The following ABTB3 variants were observed in gnomAD, a reference collection of about 807,000 sequenced individuals.
ABTB3 encodes ankyrin repeat and BTB domain containing 3, also known as ankyrin repeat- and BTB/POZ domain-containing protein 3.
chr12:107,618,049 C>T, the ABTB3 span: 1 of 1,001,792 alleles, frequency 1.0e-6, no homozygotes, highest in Non-Finnish European at 1.5e-6. Flanking sequence ...ATCTTGTCAT[C>T]ACCCCTCCCA....
chr12:107,586,099 G>T, the ABTB3 span, among the ~76,000 whole-genome samples: 6 of 152,106 alleles, frequency 3.9e-5, no homozygotes, highest in African/African-American at 1.4e-4. Context: ...GAAGTGAGGA[G>T]GGAGGGACAA....
chr12:107,608,268 T>C, the ABTB3 span, among the ~76,000 whole-genome samples: 2 of 152,184 alleles, frequency 1.3e-5, no homozygotes, highest in Non-Finnish European at 2.9e-5. Context: ...ACTCAGCTGG[T>C]TCAGTTGGCT....
the ABTB3 span, among the ~76,000 whole-genome samples, chr12:107,404,359 T>G: frequency 6.6e-6 from 1 of 152,030 alleles, no homozygotes; most frequent in Non-Finnish European, 1.5e-5. Flanking sequence ...CTCTGCATAT[T>G]CTCTTGAGCA....
At chr12:107,652,889 T>C in the ABTB3 span, among the ~76,000 whole-genome samples, 1 of 151,664 alleles carries the variant, frequency 6.6e-6, no homozygotes, top group Non-Finnish European at 1.5e-5. Flanking sequence ...AGATGAGGAG[T>C]TAGGTTGTTT....
the ABTB3 span, among the ~76,000 whole-genome samples, chr12:107,514,201 A>C: frequency 2.0e-5 from 3 of 152,214 alleles, no homozygotes. Context: ...CAGTGCCGGT[A>C]TCTTGTCCCT....
At chr12:107,588,609 C>T in the ABTB3 span, among the ~76,000 whole-genome samples, 3 of 152,196 alleles carry the variant, frequency 2.0e-5, no homozygotes, top group Non-Finnish European at 4.4e-5. Flanking sequence ...CAACCTCCGC[C>T]TCCCGGGTTC....
At chr12:107,562,495 C>T in the ABTB3 span, among the ~76,000 whole-genome samples, 1 of 152,170 alleles carries the variant, frequency 6.6e-6, no homozygotes, top group South Asian at 2.1e-4. Flanking sequence ...TTGGCACATG[C>T]CAGGACCAGC....
At chr12:107,617,693 G>A in the ABTB3 span, 1 of 489,124 alleles carries the variant, frequency 2.0e-6, no homozygotes, top group South Asian at 3.6e-5. Context: ...ATCACTCTTG[G>A]TCGGTTTTGC....
the ABTB3 span, among the ~76,000 whole-genome samples, chr12:107,321,551 C>T: frequency 6.6e-6 from 1 of 151,964 alleles, no homozygotes; most frequent in Non-Finnish European, 1.5e-5. Context: ...AGAGCCCTTC[C>T]CCGTCTGCTG....
chr12:107,550,033 G>T, the ABTB3 span, among the ~76,000 whole-genome samples: 1 of 152,146 alleles, frequency 6.6e-6, no homozygotes, highest in Non-Finnish European at 1.5e-5. Flanking sequence ...TGCTACAAGG[G>T]CTCCCACTGA....
At chr12:107,417,857 G>A in the ABTB3 span, among the ~76,000 whole-genome samples, 1 of 152,210 alleles carries the variant, frequency 6.6e-6, no homozygotes, top group Non-Finnish European at 1.5e-5. Context: ...TGATGGGAGT[G>A]CCCAGCAACT....
At chr12:107,447,636 T>C in the ABTB3 span, among the ~76,000 whole-genome samples, 1 of 152,210 alleles carries the variant, frequency 6.6e-6, no homozygotes, top group Non-Finnish European at 1.5e-5. Context: ...GAAATTCAAA[T>C]AGCTGCAGTG....
At chr12:107,548,489 G>A in the ABTB3 span, among the ~76,000 whole-genome samples, 5 of 152,230 alleles carry the variant, frequency 3.3e-5, no homozygotes, top group Admixed American at 3.3e-4. Context: ...TGTGGGCACA[G>A]CTTTGGAGTT....
the ABTB3 span, among the ~76,000 whole-genome samples, chr12:107,627,821 C>T: frequency 6.6e-6 from 1 of 152,178 alleles, no homozygotes; most frequent in Non-Finnish European, 1.5e-5. Flanking sequence ...TTAAAGAAAG[C>T]ATGAAATAGG....
the ABTB3 span, among the ~76,000 whole-genome samples, chr12:107,635,752 C>T: frequency 6.6e-6 from 1 of 151,896 alleles, no homozygotes; most frequent in Non-Finnish European, 1.5e-5. Context: ...AAAAGTCCTT[C>T]TTCCTCACTC....
At chr12:107,657,556 C>G in the ABTB3 span, 1 of 1,614,198 alleles carries the variant, frequency 6.2e-7, no homozygotes, top group Admixed American at 1.7e-5. Flanking sequence ...GCTACTTTCT[C>G]AAAAACATGA....
the ABTB3 span, among the ~76,000 whole-genome samples, chr12:107,525,289 T>C: frequency 6.8e-4 from 82 of 120,178 alleles, no homozygotes; most frequent in Non-Finnish European, 9.2e-4. Context: ...ATCACACCTC[T>C]GCACTCCAGC....
At chr12:107,610,215 C>G in the ABTB3 span, 3 of 1,614,198 alleles carry the variant, frequency 1.9e-6, no homozygotes, top group African/African-American at 1.3e-5. Context: ...TTGTGCATCT[C>G]GAAAGCTGGA....
At chr12:107,480,471 C>T in the ABTB3 span, among the ~76,000 whole-genome samples, 4 of 152,080 alleles carry the variant, frequency 2.6e-5, no homozygotes, top group African/African-American at 9.7e-5. Flanking sequence ...GTTCCAGAAG[C>T]AAGACTTGGT....
Sources: gnomAD v4.1 joint callset for allele counts (sites outside exome capture counted in the v4.1 genomes callset) on GRCh38, gnomAD v4.1.1 for gene constraint, MANE v1.5 for transcripts, NCBI Gene and HGNC (gene_info 2026-07-23, HGNC 2026-07-21) for gene names.